The following ATXN2 variants were observed in gnomAD, a reference collection of about 807,000 sequenced individuals.
ATXN2 encodes the protein ataxin 2.
ATXN2 carries 37 observed loss-of-function variants against 138.6 expected under a neutral mutation model. The observed-to-expected ratio is 0.27, with a 90% CI of 0.21 to 0.35. ATXN2 has a LOEUF of 0.35. Ranked by LOEUF, ATXN2 falls within the 10% of genes least tolerant of loss-of-function variation. The probability of loss-of-function intolerance (pLI) is 1.00; values close to 1 mark genes in which losing one functional copy is unlikely to be tolerated. For synonymous variants in ATXN2, 549 were observed against 543.7 expected (o/e 1.01, Z -0.13); for missense variants, 1,216 against 1,480.3 (o/e 0.82, Z 2.93).
At chr12:111,466,553 T>C (rs1876042468) in intron 20 of ATXN2, among the ~76,000 whole-genome samples, 1 of 152,226 alleles carries the variant, frequency 6.6e-6, no homozygotes, top group Admixed American at 6.5e-5. Context: ...CTTTCTAAGA[T>C]AGCTAGAAAG....
At chr12:111,479,046 T>TA (rs1243504567) in intron 18 of ATXN2, 5 of 375,846 alleles carry the variant, frequency 1.3e-5, no homozygotes, top group Non-Finnish European at 1.9e-5. Flanking sequence ...ATAAATTTTT[T>TA]AAAAAAATGA....
intron 10 of ATXN2, 72 bp from the exon 11 acceptor site, chr12:111,513,611 C>T: frequency 2.2e-6 from 3 of 1,366,758 alleles, no homozygotes; most frequent in Non-Finnish European, 9.9e-7. Flanking sequence ...CTAAATACAC[C>T]CATTCACACA....
intron 14 of ATXN2, among the ~76,000 whole-genome samples, chr12:111,493,147 G>A (rs1037194411): frequency 6.6e-5 from 10 of 151,956 alleles, no homozygotes; most frequent in East Asian, 1.9e-4. Flanking sequence ...AGTTGGGCAC[G>A]ATGACTCACG....
intron 23 of ATXN2, chr12:111,454,419 C>G (rs1874906001): frequency 6.5e-6 from 1 of 153,762 alleles, no homozygotes; most frequent in Non-Finnish European, 1.4e-5. Context: ...GCCCCCGTGA[C>G]TCTCTCAGAG....
At chr12:111,566,660 G>C (rs1329532107) in intron 1 of ATXN2, among the ~76,000 whole-genome samples, 1 of 146,950 alleles carries the variant, frequency 6.8e-6, no homozygotes, top group Non-Finnish European at 1.5e-5. Flanking sequence ...TTTTAAGATA[G>C]AGTTTCGCTC....
In ATXN2 at chr12:111,552,353, C is replaced by T; in HGVS notation, c.498G>A (p.Glu166=). ...SSGPKREEIM[E]SILFKCSDFV... is the part of the protein sequence containing the mutation. Reference sequence around the variant, plus strand: ...AGTCTGAACATTTGAACAAAATACTCTCCATTATTTCTTCACGTTTCGGCC... The same window carrying T: ...AGTCTGAACATTTGAACAAAATACTTTCCATTATTTCTTCACGTTTCGGCC... The change falls in exon 5 of 25, where the codon GAG becomes GAA. Residue 166 remains glutamate (E), a synonymous_variant. Coordinates refer to ENST00000673436, the MANE Select transcript of ATXN2 (RefSeq NM_001372574.1). The surrounding 1 kb of genome is among the most constrained non-coding windows in gnomAD (Gnocchi z 4.1). 6.2e-7 allele frequency: 1 copy of T among 1,613,734 alleles called. No homozygotes were observed. The highest frequency in any genetic ancestry group is 8.5e-7 in the Non-Finnish European group (1 of 1,179,858).
intron 7 of ATXN2, 38 bp downstream of exon 7, chr12:111,520,844 C>A: frequency 8.5e-7 from 1 of 1,175,332 alleles, no homozygotes; most frequent in Non-Finnish European, 1.2e-6. Context: ...AAATCAAAGA[C>A]AAATGCACTA....
chr12:111,577,395 A>T (rs1271078916), intron 1 of ATXN2, among the ~76,000 whole-genome samples: 1 of 151,892 alleles, frequency 6.6e-6, no homozygotes, highest in Non-Finnish European at 1.5e-5. Flanking sequence ...CCTCCCGAGT[A>T]GCTGGGATTA....
At position 111,464,680 on chromosome 12, in the gene ATXN2, G is replaced by A. The variant is rs367572456; in HGVS notation, c.2878C>T (p.Pro960Ser). The change falls in exon 21 of 25, where the codon CCT becomes TCT. Residue 960 changes from proline to serine, a missense_variant. Transcript: ENST00000673436. ...AACTCACTGGCAAAGTAGAAAGAAG[G>A]GCTTGTCTCCTTGTTGTATGGTAAT... ...PKLPYNKETS[P>S]SFYFAISTGS... The A allele has an allele frequency of 1.7e-5, 27 of 1,610,900 alleles. No individual in the cohort carries two copies. In the African/African-American group the frequency reaches 3.5e-4, roughly 21 times the overall value.
intron 14 of ATXN2, among the ~76,000 whole-genome samples, chr12:111,502,041 G>A (rs947647495): frequency 2.6e-5 from 4 of 152,006 alleles, no homozygotes; most frequent in African/African-American, 9.7e-5. Flanking sequence ...ATTAGCATGT[G>A]CCACCACACC....
chr12:111,530,448 G>T (rs1880756510), intron 5 of ATXN2, among the ~76,000 whole-genome samples: 1 of 152,286 alleles, frequency 6.6e-6, no homozygotes, highest in South Asian at 2.1e-4. Context: ...GCTGATCTAG[G>T]CCTTCAAGAA....
intron 22 of ATXN2, 104 bp from the exon 23 acceptor site, chr12:111,456,360 G>GT (rs1338082983): frequency 8.6e-7 from 1 of 1,161,946 alleles, no homozygotes; most frequent in African/African-American, 1.5e-5. Flanking sequence ...TATGATGAGG[G>GT]TCACTGGAAA....
intron 3 of ATXN2, 32 bp downstream of exon 3, chr12:111,554,126 G>A: frequency 7.4e-7 from 1 of 1,358,646 alleles, no homozygotes; most frequent in Non-Finnish European, 1.0e-6. Flanking sequence ...CTACCCCCAA[G>A]GCAGTTTATC....
intron 20 of ATXN2, among the ~76,000 whole-genome samples, chr12:111,467,418 G>C (rs1288146634): frequency 7.2e-6 from 1 of 138,800 alleles, no homozygotes; most frequent in Non-Finnish European, 1.5e-5. Flanking sequence ...GCCTCCCCAA[G>C]TTCTTGGATT....
chr12:111,575,025 G>A (rs1883553626), intron 1 of ATXN2, among the ~76,000 whole-genome samples: 1 of 152,134 alleles, frequency 6.6e-6, no homozygotes, highest in Admixed American at 6.5e-5. Context: ...ATGAGATTAT[G>A]TATGCCCTGG....
chr12:111,561,194 A>T (rs1280458143), intron 1 of ATXN2, among the ~76,000 whole-genome samples: 1 of 151,728 alleles, frequency 6.6e-6, no homozygotes, highest in Admixed American at 6.6e-5. Flanking sequence ...CAAAAAAAAA[A>T]AATAAATGAA....
At chr12:111,582,922 C>T (rs1366647955) in intron 1 of ATXN2, among the ~76,000 whole-genome samples, 1 of 151,670 alleles carries the variant, frequency 6.6e-6, no homozygotes, top group Non-Finnish European at 1.5e-5. Flanking sequence ...CCCGCCTCGG[C>T]CTTCCAAAGT....
chr12:111,509,737 T>C (rs1725395925), intron 13 of ATXN2, 118 bp from the exon 14 acceptor site: 4 of 936,984 alleles, frequency 4.3e-6, no homozygotes, highest in Non-Finnish European at 6.5e-6. Context: ...TAATTTCAAA[T>C]ATTAAATTTG....
chr12:111,582,410 G>C (rs10774629), intron 1 of ATXN2, among the ~76,000 whole-genome samples: 119,670 of 150,766 alleles, frequency 0.79, 47,618 homozygotes, highest in Admixed American at 0.82. Context: ...ACCACGCACT[G>C]CAGCCTGGGT....
Sources: gnomAD v4.1 joint callset for allele counts (sites outside exome capture counted in the v4.1 genomes callset) on GRCh38, gnomAD v4.1.1 for gene constraint, Gnocchi (gnomAD v3.1) non-coding constraint, MANE v1.5 for transcripts, NCBI Gene and HGNC (gene_info 2026-07-23, HGNC 2026-07-21) for gene names.